The following MAP3K20 variants were observed in gnomAD, a reference collection of about 807,000 sequenced individuals.
MAP3K20 encodes mitogen-activated protein kinase kinase kinase 20.
In MAP3K20, 40 loss-of-function variants were observed where a neutral mutation model predicts 85.7. The ratio of observed to expected loss-of-function variants is 0.47; its 90% CI spans 0.36 to 0.61. MAP3K20 has a LOEUF of 0.61. Among genes scored for constraint, MAP3K20 ranks in the 20% least tolerant of loss-of-function variants. The pLI is 0.00. For synonymous variants in MAP3K20, 325 were observed against 327.7 expected, an observed-to-expected ratio of 0.99 and a Z score of 0.09; for missense variants, 817 against 961.7, an observed-to-expected ratio of 0.85 and a Z score of 1.99.
intron 2 of MAP3K20, among the ~76,000 whole-genome samples, chr2:173,123,309 CT>C (rs145373278): frequency 0.035 from 5,298 of 152,250 alleles, 337 homozygotes; most frequent in African/African-American, 0.12. Context: ...TCCCAGCATT[CT>C]TTATCTAACA....
intron 2 of MAP3K20, among the ~76,000 whole-genome samples, chr2:173,100,459 T>C (rs76927550): frequency 0.012 from 1,752 of 152,344 alleles, 21 homozygotes; most frequent in Middle Eastern, 0.024. Context: ...GAAGTATTTG[T>C]TCCTTGATAC....
At chr2:173,263,195 C>T (rs933825425) in intron 18 of MAP3K20, among the ~76,000 whole-genome samples, 5 of 152,154 alleles carry the variant, frequency 3.3e-5, no homozygotes, top group African/African-American at 4.8e-5. Context: ...CCATTTCTTA[C>T]TTCTTGATCC....
chr2:173,140,827 T>C (rs534477602), intron 2 of MAP3K20, among the ~76,000 whole-genome samples: 14 of 151,522 alleles, frequency 9.2e-5, no homozygotes, highest in Admixed American at 3.9e-4. Flanking sequence ...ACTAAACATA[T>C]ACACACACAC....
chr2:173,186,306 T>C (rs1264253120), intron 4 of MAP3K20, among the ~76,000 whole-genome samples: 1 of 152,156 alleles, frequency 6.6e-6, no homozygotes, highest in Non-Finnish European at 1.5e-5. Flanking sequence ...TGAAATCCAG[T>C]CATATAGATT....
chr2:173,188,318 T>G (rs1184699389), intron 5 of MAP3K20, among the ~76,000 whole-genome samples: 1 of 152,210 alleles, frequency 6.6e-6, no homozygotes, highest in Admixed American at 6.5e-5. Flanking sequence ...CAGAGTTATC[T>G]GAGAAAGGCA....
chr2:173,132,869 T>G (rs1688657367), intron 2 of MAP3K20, among the ~76,000 whole-genome samples: 2 of 152,238 alleles, frequency 1.3e-5, no homozygotes, highest in Non-Finnish European at 2.9e-5. Flanking sequence ...AAGAAGTGTT[T>G]AGCACAGTGC....
In MAP3K20 at chr2:173,201,773, T is replaced by TCTATTTTA. The variant is rs1691070889; in HGVS notation, c.670-2022_670-2015dup. Among the ~76,000 whole-genome samples the TCTATTTTA allele has an allele frequency of 2.0e-5, 3 of 152,224 alleles. No homozygotes were observed. The South Asian group carries it at 6.2e-4, about 31-fold the overall frequency. On this transcript the variant is annotated intron_variant, in intron 8 of 19. Transcript: ENST00000375213. ...TAATCAGGACTTAAATAATTTGAAT[T>TCTATTTTA]CTATTTTAAAGTACTTTTTAACGCA...
intron 16 of MAP3K20, among the ~76,000 whole-genome samples, chr2:173,254,082 A>AT (rs1393688117): frequency 7.2e-4 from 108 of 150,326 alleles, no homozygotes; most frequent in Non-Finnish European, 1.2e-3. Context: ...GAAAAAAAAA[A>AT]AAAAAATCTT....
At chr2:173,229,596 G>A (rs1480084675) in intron 11 of MAP3K20, 93 bp from the exon 12 acceptor site, 33 of 1,550,212 alleles carry the variant, frequency 2.1e-5, no homozygotes, top group Middle Eastern at 1.7e-4. Context: ...CAGAGCAGCA[G>A]CTGAGAGCTG....
rs1236591337 is a variant in MAP3K20, at chr2:173,229,752, T to C, written c.1032+19T>C. 1.5e-5 allele frequency: 24 copies of C among 1,613,760 alleles called. No homozygotes were observed. The highest frequency in any genetic ancestry group is 6.7e-5 in the East Asian group (3 of 44,896). ...CGATGTGGTAAGCTCTTTGTATTCA[T>C]GCCTTATTTGACTTGAGCAGGTATT... On this transcript the variant is annotated intron_variant, in intron 12 of 19. Coordinates refer to ENST00000375213, the MANE Select transcript of MAP3K20 (RefSeq NM_016653.3).
chr2:173,229,605 T>C (rs1684472632), intron 11 of MAP3K20, 84 bp from the exon 12 acceptor site: 5 of 1,576,194 alleles, frequency 3.2e-6, no homozygotes, highest in South Asian at 1.1e-5. Flanking sequence ...AGCTGAGAGC[T>C]GAAAGAGTGA....
intron 7 of MAP3K20, among the ~76,000 whole-genome samples, chr2:173,196,819 G>A (rs914433966): frequency 5.9e-5 from 9 of 152,116 alleles, no homozygotes; most frequent in Middle Eastern, 3.2e-3. Context: ...ACCTAAGACA[G>A]GGCCTGTCGC....
At chr2:173,133,730 A>AT (rs1688681310) in intron 2 of MAP3K20, among the ~76,000 whole-genome samples, 1 of 151,832 alleles carries the variant, frequency 6.6e-6, no homozygotes, top group East Asian at 1.9e-4. Context: ...GTGCATTTTA[A>AT]ATTTTTTTCT....
At chr2:173,178,317 C>A (rs1172932928) in intron 3 of MAP3K20, among the ~76,000 whole-genome samples, 1 of 152,096 alleles carries the variant, frequency 6.6e-6, no homozygotes, top group Admixed American at 6.6e-5. Flanking sequence ...TACAAATTAT[C>A]AAAACAGAAG....
chr2:173,107,659 A>G (rs1687820865), intron 2 of MAP3K20, among the ~76,000 whole-genome samples: 1 of 152,238 alleles, frequency 6.6e-6, no homozygotes, highest in Admixed American at 6.5e-5. Context: ...TTAGCGTCAG[A>G]CAGGTGTAGA....
intron 2 of MAP3K20, among the ~76,000 whole-genome samples, chr2:173,096,151 A>G (rs1687452846): frequency 6.6e-6 from 1 of 152,094 alleles, no homozygotes; most frequent in Non-Finnish European, 1.5e-5. Context: ...CTCCTTAAAC[A>G]CTTCATCCTG....
At chr2:173,162,154 T>C (rs1469086498) in intron 2 of MAP3K20, among the ~76,000 whole-genome samples, 4 of 152,182 alleles carry the variant, frequency 2.6e-5, no homozygotes, top group Non-Finnish European at 5.9e-5. Flanking sequence ...TTCCTTGCCT[T>C]TTTTCTATAC....
chr2:173,249,046 T>C (rs1192545986), intron 16 of MAP3K20, among the ~76,000 whole-genome samples: 2 of 152,228 alleles, frequency 1.3e-5, no homozygotes, highest in Non-Finnish European at 2.9e-5. Flanking sequence ...TGTCTCATAC[T>C]GACCATAATG....
chr2:173,156,044 C>A (rs1446027862), intron 2 of MAP3K20, among the ~76,000 whole-genome samples: 2 of 152,156 alleles, frequency 1.3e-5, no homozygotes, highest in Non-Finnish European at 2.9e-5. Flanking sequence ...TAAGAGGACA[C>A]CCTGGTGTAC....
Sources: allele counts gnomAD v4.1 joint callset (sites outside exome capture counted in the v4.1 genomes callset), GRCh38; gene constraint gnomAD v4.1.1; transcripts MANE v1.5; gene names NCBI Gene and HGNC (gene_info 2026-07-23, HGNC 2026-07-21).